The following BTBD9 variants were observed in gnomAD, a reference collection of about 807,000 sequenced individuals.
BTBD9 encodes the protein BTB/POZ domain-containing protein 9.
A neutral mutation model predicts 64.3 loss-of-function variants in BTBD9; 49 were observed. The ratio of observed to expected loss-of-function variants is 0.76; its 90% CI spans 0.61 to 0.97. The LOEUF (loss-of-function observed/expected upper bound fraction) is 0.97, where lower values mean the gene tolerates loss of function less well. Among genes scored for constraint, BTBD9 ranks in the 50% least tolerant of loss-of-function variants. The pLI is 0.00. For synonymous variants in BTBD9, 260 were observed against 274.7 expected, an observed-to-expected ratio of 0.95 and a Z score of 0.53; for missense variants, 598 against 762.1, an observed-to-expected ratio of 0.78 and a Z score of 2.53.
At chr6:38,179,723 T>C (rs1761459597) in intron 10 of BTBD9, 1 of 456,662 alleles carries the variant, frequency 2.2e-6, no homozygotes, top group African/African-American at 2.0e-5. Flanking sequence ...ACTGTTCCAC[T>C]GTATCAACAT....
intron 7 of BTBD9, among the ~76,000 whole-genome samples, chr6:38,300,801 G>T (rs1418604828): frequency 1.3e-5 from 2 of 152,184 alleles, no homozygotes; most frequent in Non-Finnish European, 2.9e-5. Context: ...CATGTCATCT[G>T]CAAACAGGGA....
At chr6:38,408,188 T>A (rs999792476) in intron 6 of BTBD9, among the ~76,000 whole-genome samples, 3 of 151,820 alleles carry the variant, frequency 2.0e-5, no homozygotes, top group African/African-American at 7.3e-5. Context: ...GAGACCCCCA[T>A]CTCAAAAGAA....
intron 9 of BTBD9, among the ~76,000 whole-genome samples, chr6:38,252,321 T>C (rs189760058): frequency 8.5e-4 from 129 of 152,362 alleles, no homozygotes; most frequent in Admixed American, 1.9e-3. Flanking sequence ...TTCTTGAAAC[T>C]AATAGAGTCC....
At chr6:38,587,420 T>C (rs980766530) in intron 4 of BTBD9, 14 of 526,514 alleles carry the variant, frequency 2.7e-5, no homozygotes, top group African/African-American at 2.2e-4. Context: ...GATATTAATA[T>C]TACTTATGAT....
chr6:38,330,685 G>A (rs573483133), intron 7 of BTBD9, among the ~76,000 whole-genome samples: 18 of 152,028 alleles, frequency 1.2e-4, no homozygotes, highest in African/African-American at 4.3e-4. Context: ...CAGCACTAGA[G>A]AGCAAAATAG....
intron 4 of BTBD9, among the ~76,000 whole-genome samples, chr6:38,585,732 C>T (rs1562378181): frequency 6.6e-6 from 1 of 152,162 alleles, no homozygotes; most frequent in Non-Finnish European, 1.5e-5. Flanking sequence ...TCATTTATCA[C>T]TTAGCAAAAC....
intron 7 of BTBD9, among the ~76,000 whole-genome samples, chr6:38,329,314 CT>C (rs59785315): frequency 0.023 from 3,400 of 146,172 alleles, 125 homozygotes; most frequent in African/African-American, 0.081. Flanking sequence ...TTTTAAAGAC[CT>C]TTTTTTCCTT....
At chr6:38,574,396 T>G (rs1337236026) in intron 6 of BTBD9, among the ~76,000 whole-genome samples, 1 of 152,104 alleles carries the variant, frequency 6.6e-6, no homozygotes, top group Admixed American at 6.5e-5. Context: ...TAAAACTGTT[T>G]AAGGCATGTT....
At chr6:38,379,293 G>T (rs1338376921) in intron 6 of BTBD9, among the ~76,000 whole-genome samples, 1 of 152,172 alleles carries the variant, frequency 6.6e-6, no homozygotes, top group African/African-American at 2.4e-5. Context: ...AGATAGGGCT[G>T]AAATACAGGT....
In BTBD9 at chr6:38,295,716, T is replaced by C. The variant is rs560912133; in HGVS notation, c.1265-7255A>G. Among the ~76,000 whole-genome samples, 16 of 152,294 alleles carry C rather than the reference T, an allele frequency of 1.1e-4. No homozygotes were observed. The South Asian group carries it at 3.1e-3, about 30-fold the overall frequency. ...TAATTTATGTTACTTTAGTCACATATGAAGTTTTTGTATATATTTGCATCT... is the reference window on the plus strand; with the variant it reads ...TAATTTATGTTACTTTAGTCACATACGAAGTTTTTGTATATATTTGCATCT... On this transcript the variant is annotated intron_variant, in intron 7 of 10. Transcript: ENST00000481247.
chr6:38,402,868 G>T, intron 6 of BTBD9: 2 of 700,732 alleles, frequency 2.9e-6, no homozygotes, highest in South Asian at 3.0e-5. Flanking sequence ...AGGAGTTCGA[G>T]ACCAGAGTGG....
intron 6 of BTBD9, among the ~76,000 whole-genome samples, chr6:38,414,377 G>A (rs1394805663): frequency 6.6e-6 from 1 of 152,000 alleles, no homozygotes; most frequent in Non-Finnish European, 1.5e-5. Flanking sequence ...GCTAATAGTG[G>A]CTCTCCCAAT....
intron 8 of BTBD9, among the ~76,000 whole-genome samples, chr6:38,273,096 T>C (rs1181602616): frequency 3.3e-5 from 5 of 152,190 alleles, no homozygotes; most frequent in African/African-American, 1.2e-4. Flanking sequence ...GTATAGGACA[T>C]GGAGCACTCC....
intron 6 of BTBD9, among the ~76,000 whole-genome samples, chr6:38,365,775 AC>A (rs1246602935): frequency 1.3e-5 from 2 of 151,168 alleles, no homozygotes; most frequent in Admixed American, 6.6e-5. Context: ...AAAAAAAAAA[AC>A]ATACTGAAGG....
chr6:38,618,349 G>A (rs1178184303), intron 1 of BTBD9, among the ~76,000 whole-genome samples: 1 of 152,246 alleles, frequency 6.6e-6, no homozygotes, highest in Non-Finnish European at 1.5e-5. Flanking sequence ...TTTTCTGTAA[G>A]AGGGAAGGCA....
chr6:38,347,610 T>C (rs1764333233), intron 6 of BTBD9, among the ~76,000 whole-genome samples: 1 of 152,196 alleles, frequency 6.6e-6, no homozygotes, highest in Non-Finnish European at 1.5e-5. Flanking sequence ...ATAAATATCC[T>C]GGACCTTCCC....
intron 6 of BTBD9, among the ~76,000 whole-genome samples, chr6:38,398,964 A>G (rs1398024191): frequency 6.6e-6 from 1 of 152,196 alleles, no homozygotes; most frequent in Non-Finnish European, 1.5e-5. Context: ...AAGAGAGAGA[A>G]ACATTTGTTT....
chr6:38,298,091 G>A (rs1373781623), intron 7 of BTBD9, among the ~76,000 whole-genome samples: 2 of 151,738 alleles, frequency 1.3e-5, no homozygotes, highest in Admixed American at 6.6e-5. Context: ...TCCTGACATC[G>A]TGATCTGCCC....
rs115597274 is a variant in BTBD9, at chr6:38,551,762, C to A, written c.1154+25838G>T. ...GGAGGAGCCACTCAAAGGTTTTACA[C>A]CGGCAAACAATAGGTTTAGTCTGCA... On this transcript the variant is annotated intron_variant, in intron 6 of 10. Coordinates refer to ENST00000481247, the MANE Select transcript of BTBD9 (RefSeq NM_001099272.2). Among the ~76,000 whole-genome samples, 824 of 152,256 alleles carry A rather than the reference C, an allele frequency of 5.4e-3. 3 individuals are homozygous for A. Among genetic ancestry groups the A allele is most frequent in the African/African-American group, 0.018 (764 of 41,560 alleles).
Sources: allele counts gnomAD v4.1 joint callset (sites outside exome capture counted in the v4.1 genomes callset), GRCh38; gene constraint gnomAD v4.1.1; transcripts MANE v1.5; gene names NCBI Gene and HGNC (gene_info 2026-07-23, HGNC 2026-07-21).